PDE1C: variants seen among roughly 807,000 people sequenced by gnomAD.
PDE1C encodes the protein dual specificity calcium/calmodulin-dependent 3',5'-cyclic nucleotide phosphodiesterase 1C.
A neutral mutation model predicts 93.1 loss-of-function variants in PDE1C; 62 were observed. The observed-to-expected ratio is 0.67, with a 90% CI of 0.54 to 0.82. PDE1C has a LOEUF of 0.82. Among genes scored for constraint, PDE1C ranks in the 40% least tolerant of loss-of-function variants. The probability of loss-of-function intolerance (pLI) is 0.00; values close to 1 mark genes in which losing one functional copy is unlikely to be tolerated. For synonymous variants in PDE1C, 325 were observed against 310.1 expected, an observed-to-expected ratio of 1.05 and a Z score of -0.50; for missense variants, 742 against 884.6, an observed-to-expected ratio of 0.84 and a Z score of 2.04.
At chr7:31,619,920 C>A in the PDE1C span, among the ~76,000 whole-genome samples, 1 of 152,134 alleles carries the variant, frequency 6.6e-6, no homozygotes, top group African/African-American at 2.4e-5. Context: ...TGCGCTTTTC[C>A]GACGGGCTTA....
the PDE1C span, among the ~76,000 whole-genome samples, chr7:31,714,075 C>A: frequency 2.0e-5 from 3 of 152,136 alleles, no homozygotes; most frequent in African/African-American, 7.2e-5. Context: ...ATAGGATTTT[C>A]TATTGTCAGG....
intron 2 of PDE1C, among the ~76,000 whole-genome samples, chr7:31,912,123 A>G (rs1391767496): frequency 6.6e-6 from 1 of 152,192 alleles, no homozygotes; most frequent in Non-Finnish European, 1.5e-5. Flanking sequence ...ACCAAATTAT[A>G]TATATGTACA....
chr7:32,343,884 T>C (rs898155733), intron 1 of PDE1C, among the ~76,000 whole-genome samples: 5 of 152,246 alleles, frequency 3.3e-5, no homozygotes, highest in Non-Finnish European at 5.9e-5. Context: ...TATCTTTTAT[T>C]ATCCACACAG....
Position 32,127,523 on chromosome 7 carries a change from G to A in PDE1C, c.308+42262C>T, listed in dbSNP as rs527836360. Among the ~76,000 whole-genome samples the A allele has an allele frequency of 5.3e-5, 8 of 152,112 alleles. No individual in the cohort carries two copies. The East Asian group carries it at 1.5e-3, about 29-fold the overall frequency. On this transcript the variant is annotated intron_variant, in intron 3 of 18. Coordinates refer to the PDE1C transcript ENST00000396193. ...AACTTTCCTGGGTTAATCTTCAAAT[G>A]CTATGATTTTCTACCAGCAAAACTA...
intron 2 of PDE1C, among the ~76,000 whole-genome samples, chr7:32,187,968 T>C (rs114228475): frequency 0.014 from 2,063 of 152,312 alleles, 45 homozygotes; most frequent in African/African-American, 0.047. Context: ...CCTGTTTCAA[T>C]TGGCTGAAGT....
At chr7:32,407,002 G>A (rs1328213729) in intron 1 of PDE1C, among the ~76,000 whole-genome samples, 1 of 152,166 alleles carries the variant, frequency 6.6e-6, no homozygotes, top group African/African-American at 2.4e-5. Flanking sequence ...CAGGCCGGGC[G>A]CGGTGGCTCA....
intron 1 of PDE1C, among the ~76,000 whole-genome samples, chr7:32,219,891 C>A (rs1806714464): frequency 6.6e-6 from 1 of 152,064 alleles, no homozygotes; most frequent in East Asian, 1.9e-4. Context: ...TGGGAGGGAC[C>A]CAGTGGGAGA....
chr7:31,662,690 C>T, the PDE1C span, among the ~76,000 whole-genome samples: 6 of 152,144 alleles, frequency 3.9e-5, no homozygotes, highest in Non-Finnish European at 7.4e-5. Flanking sequence ...ATGCTAGTTA[C>T]CTTATCCAGA....
chr7:32,117,059 A>T (rs1245441164), intron 3 of PDE1C, among the ~76,000 whole-genome samples: 1 of 152,230 alleles, frequency 6.6e-6, no homozygotes, highest in Non-Finnish European at 1.5e-5. Flanking sequence ...CAGAGTAAAT[A>T]GATGCAAAAG....
chr7:32,099,807 C>T (rs996286859), intron 3 of PDE1C, among the ~76,000 whole-genome samples: 2 of 152,170 alleles, frequency 1.3e-5, no homozygotes, highest in African/African-American at 4.8e-5. Context: ...AATGCCTCCT[C>T]TCTCCCAACA....
intron 16 of PDE1C, among the ~76,000 whole-genome samples, chr7:31,781,336 A>C (rs989899512): frequency 6.6e-6 from 1 of 152,202 alleles, no homozygotes; most frequent in Non-Finnish European, 1.5e-5. Flanking sequence ...TGGCAATAGC[A>C]ATGTTATTAT....
At chr7:31,974,019 G>A (rs1281312920) in intron 2 of PDE1C, among the ~76,000 whole-genome samples, 2 of 152,122 alleles carry the variant, frequency 1.3e-5, no homozygotes, top group African/African-American at 4.8e-5. Context: ...TGTAGGCTTG[G>A]ATATTAGTAA....
intron 9 of PDE1C, among the ~76,000 whole-genome samples, chr7:31,839,586 G>T: frequency 1.3e-5 from 2 of 152,158 alleles, no homozygotes; most frequent in Middle Eastern, 6.8e-3. Flanking sequence ...ACTAGCTAAC[G>T]GACATTCAAG....
the PDE1C span, among the ~76,000 whole-genome samples, chr7:31,646,708 C>A: frequency 5.5e-3 from 838 of 152,220 alleles, 2 homozygotes; most frequent in Middle Eastern, 0.01. Flanking sequence ...AGCACTCCTG[C>A]AGAAAACAGG....
intron 2 of PDE1C, among the ~76,000 whole-genome samples, chr7:32,000,028 G>A (rs1185067069): frequency 6.6e-6 from 1 of 152,156 alleles, no homozygotes; most frequent in African/African-American, 2.4e-5. Context: ...TTGGCAAGCT[G>A]CTCAGCCCCT....
intron 3 of PDE1C, among the ~76,000 whole-genome samples, chr7:32,115,293 A>G (rs1798925468): frequency 6.6e-6 from 1 of 152,350 alleles, no homozygotes; most frequent in Admixed American, 6.5e-5. Context: ...AGCCATAAAA[A>G]AAGAATGAGA....
intron 3 of PDE1C, among the ~76,000 whole-genome samples, chr7:32,092,777 G>GTAT (rs1214410647): frequency 6.6e-6 from 1 of 152,200 alleles, no homozygotes; most frequent in Middle Eastern, 3.2e-3. Flanking sequence ...GGAAAAAAAT[G>GTAT]TATTGCACAT....
chr7:32,337,291 C>A (rs982452594), intron 1 of PDE1C, among the ~76,000 whole-genome samples: 2 of 152,096 alleles, frequency 1.3e-5, no homozygotes, highest in African/African-American at 4.8e-5. Flanking sequence ...AAGGCAGACA[C>A]GTACCCTGAA....
At chr7:32,380,382 C>T (rs941019440) in intron 1 of PDE1C, among the ~76,000 whole-genome samples, 5 of 149,526 alleles carry the variant, frequency 3.3e-5, no homozygotes, top group Admixed American at 1.3e-4. Context: ...GGACTATAGG[C>T]GCATGCCACC....
Sources: allele counts gnomAD v4.1 joint callset (sites outside exome capture counted in the v4.1 genomes callset), GRCh38; gene constraint gnomAD v4.1.1; transcripts MANE v1.5; gene names NCBI Gene and HGNC (gene_info 2026-07-23, HGNC 2026-07-21).